The following CIB1 variants were observed in gnomAD, a reference collection of about 807,000 sequenced individuals.
The protein encoded by CIB1 is calcium and integrin binding 1.
CIB1 carries 19 observed loss-of-function variants against 25.0 expected under a neutral mutation model. The ratio of observed to expected loss-of-function variants is 0.76; its 90% CI spans 0.53 to 1.12. The LOEUF is 1.12. Among genes scored for constraint, CIB1 ranks in the 50% most tolerant of loss-of-function variants. The probability of loss-of-function intolerance (pLI) is 0.00; values close to 1 mark genes in which losing one functional copy is unlikely to be tolerated. For synonymous variants in CIB1, 104 were observed against 98.5 expected (o/e 1.06, Z -0.33); for missense variants, 236 against 242.6 (o/e 0.97, Z 0.18).
the CIB1 span, chr15:90,253,170 C>G: frequency 8.3e-7 from 1 of 1,210,102 alleles, no homozygotes; most frequent in South Asian, 1.3e-5. Flanking sequence ...AGGTGTATAC[C>G]TTACCTGACC....
the CIB1 span, chr15:90,262,247 G>A: frequency 7.0e-7 from 1 of 1,434,856 alleles, no homozygotes. Context: ...TCCTGAAGCT[G>A]CATTGCTTCC....
At chr15:90,261,906 A>G in the CIB1 span, 3 of 1,015,690 alleles carry the variant, frequency 3.0e-6, no homozygotes, top group South Asian at 2.2e-5. Flanking sequence ...CAGGAGGTCA[A>G]GAAGCCAGCA....
the CIB1 span, chr15:90,241,392 C>CTGGAG: frequency 6.2e-7 from 1 of 1,613,976 alleles, no homozygotes; most frequent in South Asian, 1.1e-5. Context: ...CGTCAGCCCC[C>CTGGAG]TGGAGTGGGG....
the CIB1 span, chr15:90,256,245 C>G: frequency 3.7e-6 from 6 of 1,614,020 alleles, no homozygotes; most frequent in Admixed American, 1.0e-4. Context: ...ACCCGAAATC[C>G]CCGGGAGATC....
Position 90,230,360 on chromosome 15 carries a change from G to T in CIB1, c.*124C>A. 2 of 1,171,976 alleles carry T rather than the reference G, an allele frequency of 1.7e-6. No individual in the cohort carries two copies. The highest frequency in any genetic ancestry group is 1.5e-5 in the African/African-American group (1 of 65,254). 72.6% of individuals were successfully genotyped at this position (1,171,976 alleles called of 1,614,324 possible). ...GGCCGCCCCTGCCCGGGGTGAGGCT[G>T]CACAGCGCCAGCTCCAGGCTGGGCC... On this transcript the variant is annotated 3_prime_UTR_variant, in exon 7 of 7. Coordinates refer to ENST00000328649, the MANE Select transcript of CIB1 (RefSeq NM_006384.4).
At chr15:90,256,853 A>G in the CIB1 span, among the ~76,000 whole-genome samples, 1 of 150,862 alleles carries the variant, frequency 6.6e-6, no homozygotes, top group African/African-American at 2.4e-5. Flanking sequence ...ACGCCCAGTT[A>G]ACTTTTGTAT....
the CIB1 span, chr15:90,242,049 T>C: frequency 6.2e-7 from 1 of 1,605,306 alleles, no homozygotes. Flanking sequence ...GGCCCTGATG[T>C]CCCAGGAAGA....
chr15:90,249,068 C>T, the CIB1 span, among the ~76,000 whole-genome samples: 4 of 151,862 alleles, frequency 2.6e-5, no homozygotes, highest in African/African-American at 9.7e-5. Context: ...GAATTGAGCC[C>T]GGCGTGGTGG....
At chr15:90,247,933 G>A in the CIB1 span, among the ~76,000 whole-genome samples, 5 of 151,668 alleles carry the variant, frequency 3.3e-5, no homozygotes, top group African/African-American at 1.2e-4. Flanking sequence ...AGTAGAGAGG[G>A]GGTTTCACCG....
chr15:90,250,934 C>T, the CIB1 span: 1 of 1,587,300 alleles, frequency 6.3e-7, no homozygotes, highest in Non-Finnish European at 8.6e-7. Flanking sequence ...CAGGGAGTCA[C>T]CCATTGGCCT....
At chr15:90,262,512 GC>G in the CIB1 span, 1 of 1,512,038 alleles carries the variant, frequency 6.6e-7, no homozygotes, top group African/African-American at 1.4e-5. Context: ...GAGGAGATCC[GC>G]CTTAAGCAGG....
At chr15:90,263,085 G>A in the CIB1 span, 1 of 1,536,134 alleles carries the variant, frequency 6.5e-7, no homozygotes, top group Non-Finnish European at 8.7e-7. Flanking sequence ...GTATTGTAGA[G>A]CAGCTCACCC....
chr15:90,244,916 T>G, the CIB1 span: 1 of 152,206 alleles, frequency 6.6e-6, no homozygotes, highest in African/African-American at 2.4e-5. Flanking sequence ...TGAGAGTCCC[T>G]GTTCACAGCG....
chr15:90,250,677 T>C, the CIB1 span: 2 of 1,614,138 alleles, frequency 1.2e-6, no homozygotes, highest in Middle Eastern at 1.6e-4. Context: ...GAAGACTATG[T>C]TGAGGAAAAG....
intron 6 of CIB1, 115 bp downstream of exon 6, chr15:90,230,819 T>G (rs1596170039): frequency 1.0e-6 from 1 of 972,756 alleles, no homozygotes; most frequent in Non-Finnish European, 1.6e-6. Context: ...GCCCTGTGTG[T>G]GGGGACTGGG....
the CIB1 span, among the ~76,000 whole-genome samples, chr15:90,261,531 A>G: frequency 0.069 from 10,529 of 151,898 alleles, 1,194 homozygotes; most frequent in African/African-American, 0.24. Context: ...GGTGGCTCAC[A>G]CCTATAATCC....
At chr15:90,255,822 G>T in the CIB1 span, 1 of 1,614,088 alleles carries the variant, frequency 6.2e-7, no homozygotes, top group Non-Finnish European at 8.5e-7. Context: ...AACCTCAACC[G>T]CATGTACAAA....
the CIB1 span, chr15:90,241,292 G>A: frequency 6.2e-7 from 1 of 1,614,158 alleles, no homozygotes; most frequent in Non-Finnish European, 8.5e-7. Flanking sequence ...ACTTCAACAA[G>A]ATCCGGCCCG....
the CIB1 span, chr15:90,258,769 G>C: frequency 1.2e-6 from 2 of 1,614,116 alleles, no homozygotes; most frequent in Non-Finnish European, 1.7e-6. Flanking sequence ...GCTTTACCAC[G>C]GACTCATGCC....
Sources: allele counts gnomAD v4.1 joint callset (sites outside exome capture counted in the v4.1 genomes callset), GRCh38; gene constraint gnomAD v4.1.1; transcripts MANE v1.5; gene names NCBI Gene and HGNC (gene_info 2026-07-23, HGNC 2026-07-21).